KCNQ1: variants seen among roughly 807,000 people sequenced by gnomAD.
KCNQ1 encodes the protein potassium voltage-gated channel subfamily Q member 1, also known as potassium voltage-gated channel subfamily KQT member 1.
A neutral mutation model predicts 72.4 loss-of-function variants in KCNQ1; 49 were observed. The observed-to-expected ratio is 0.68, with a 90% confidence interval of 0.54 to 0.86. KCNQ1 has a LOEUF of 0.86. Among genes scored for constraint, KCNQ1 ranks in the 40% least tolerant of loss-of-function variants. KCNQ1 has a pLI of 0.00. For missense variants in KCNQ1, 790 were observed against 945.1 expected, an observed-to-expected ratio of 0.84 and a Z score of 2.15; for synonymous variants, 450 against 412.6, an observed-to-expected ratio of 1.09 and a Z score of -1.10.
rs1850999247 is a variant in KCNQ1, at chr11:2,711,243, C to G, written c.1514+49162C>G. Among the ~76,000 whole-genome samples, 1 of 152,190 alleles carries G rather than the reference C, an allele frequency of 6.6e-6. No homozygotes were observed. ...AGTGACTGGCAGCCATACTTCCTCC[C>G]CATGTACTGGGTTCTGCCCATCCTC... is the stretch of plus-strand genomic sequence containing the variant. On this transcript the variant is annotated intron_variant, in intron 11 of 15. Transcript: ENST00000155840. The surrounding 1 kb of genome is among the most constrained non-coding windows in gnomAD (Gnocchi z 5.4).
chr11:2,541,104 C>T lies in KCNQ1; in HGVS notation c.477+13086C>T, dbSNP rs573002588. Among the ~76,000 whole-genome samples the T allele has an allele frequency of 4.5e-4, 69 of 152,368 alleles. No individual in the cohort carries two copies. The highest frequency in any genetic ancestry group is 1.0e-3 in the African/African-American group (43 of 41,600). Reference sequence around the variant, plus strand: ...ACGTGCCTGCATGCACACGTGCACACGTGCACACCCAGCCCTGGACCTCAG... The same window carrying T: ...ACGTGCCTGCATGCACACGTGCACATGTGCACACCCAGCCCTGGACCTCAG... On this transcript the variant is annotated intron_variant, in intron 2 of 15. Transcript: ENST00000155840. The surrounding 1 kb of genome is among the most constrained non-coding windows in gnomAD (Gnocchi z 4.8).
intron 6 of KCNQ1, among the ~76,000 whole-genome samples, chr11:2,578,359 G>A (rs1376233465): frequency 6.6e-6 from 1 of 152,228 alleles, no homozygotes; most frequent in Non-Finnish European, 1.5e-5. Context: ...GCAAGGTGAC[G>A]GTGCCAGGTG....
intron 1 of KCNQ1, among the ~76,000 whole-genome samples, chr11:2,523,226 C>T (rs1847422360): frequency 6.7e-6 from 1 of 149,736 alleles, no homozygotes; most frequent in African/African-American, 2.5e-5. Flanking sequence ...TGGAGTCTTG[C>T]TCTGTCACCC....
intron 11 of KCNQ1, among the ~76,000 whole-genome samples, chr11:2,721,235 CT>C (rs1460317826): frequency 6.6e-6 from 1 of 152,198 alleles, no homozygotes; most frequent in Non-Finnish European, 1.5e-5. Flanking sequence ...TTTCTTCCCC[CT>C]GTTTGTCCTA....
intron 11 of KCNQ1, among the ~76,000 whole-genome samples, chr11:2,749,706 A>T (rs1846196183): frequency 6.6e-6 from 1 of 151,498 alleles, no homozygotes; most frequent in South Asian, 2.1e-4. Flanking sequence ...CCAGCTACTC[A>T]GGAGGCTGAG....
chr11:2,518,121 C>T (rs780536454), intron 1 of KCNQ1, among the ~76,000 whole-genome samples: 6 of 152,368 alleles, frequency 3.9e-5, no homozygotes, highest in South Asian at 2.1e-4. Flanking sequence ...GTGCATCCCA[C>T]GCCTGGCACT....
At position 2,808,478 on chromosome 11, in the gene KCNQ1, A is replaced by G. The variant is rs1401648319; in HGVS notation, c.1794+30441A>G. 6.6e-6 allele frequency among the ~76,000 whole-genome samples: 1 copy of G among 152,210 alleles called. No homozygotes were observed. The highest frequency in any genetic ancestry group is 2.4e-5 in the African/African-American group (1 of 41,454). On this transcript the variant is annotated intron_variant, in intron 15 of 15. Coordinates refer to ENST00000155840, the MANE Select transcript of KCNQ1 (RefSeq NM_000218.3). This position sits in a 1 kb window ranked among gnomAD's most constrained non-coding sequence, Gnocchi z 6.0. Reference sequence around the variant, plus strand: ...TTTGAAAATAGCATTCAGAGTTGCTATTAATAGGCTCTGATGCAGAACTGA... The same window carrying G: ...TTTGAAAATAGCATTCAGAGTTGCTGTTAATAGGCTCTGATGCAGAACTGA...
intron 11 of KCNQ1, chr11:2,688,148 C>T (rs747252873): frequency 8.0e-5 from 32 of 398,786 alleles, no homozygotes; most frequent in African/African-American, 2.7e-4. Flanking sequence ...AGAGACCCCA[C>T]GCAGCTCCCT....
chr11:2,774,794 A>AG (rs1220687099), intron 12 of KCNQ1, among the ~76,000 whole-genome samples: 1 of 152,166 alleles, frequency 6.6e-6, no homozygotes, highest in Non-Finnish European at 1.5e-5. Context: ...TCTCAGGAGT[A>AG]GGACCCCAAA....
intron 2 of KCNQ1, 48 bp from the exon 3 acceptor site, chr11:2,570,580 C>T (rs978930487): frequency 1.5e-5 from 24 of 1,607,068 alleles, no homozygotes; most frequent in Non-Finnish European, 1.7e-5. Flanking sequence ...TCTGAAGCCA[C>T]TCAAGGCCGA....
intron 15 of KCNQ1, among the ~76,000 whole-genome samples, chr11:2,805,484 T>C (rs1391120725): frequency 1.3e-5 from 2 of 152,248 alleles, no homozygotes; most frequent in African/African-American, 2.4e-5. Flanking sequence ...GCACTCATCC[T>C]GTAAGGTGGA....
At chr11:2,814,413 G>A (rs1400253130) in intron 15 of KCNQ1, among the ~76,000 whole-genome samples, 1 of 151,466 alleles carries the variant, frequency 6.6e-6, no homozygotes, top group African/African-American at 2.4e-5. Context: ...AAGGATGGTG[G>A]GTGGGTGGAT....
intron 10 of KCNQ1, chr11:2,648,147 G>A (rs1336154227): frequency 1.4e-5 from 5 of 358,674 alleles, no homozygotes; most frequent in Non-Finnish European, 2.5e-5. Flanking sequence ...AGAGGTTACA[G>A]TGAGCCAAGA....
At chr11:2,641,184 A>G in intron 10 of KCNQ1, 1 of 398,558 alleles carries the variant, frequency 2.5e-6, no homozygotes, top group Non-Finnish European at 4.4e-6. Context: ...ATAAATATCC[A>G]GTAGTGAGAT....
intron 15 of KCNQ1, among the ~76,000 whole-genome samples, chr11:2,825,381 G>A (rs951784829): frequency 6.6e-6 from 1 of 152,204 alleles, no homozygotes; most frequent in Non-Finnish European, 1.5e-5. Context: ...AGGGAAATGG[G>A]CGTTTCCTGT....
At chr11:2,662,151 T>G (rs935828447) in intron 11 of KCNQ1, 70 bp downstream of exon 11, 13 of 1,603,248 alleles carry the variant, frequency 8.1e-6, no homozygotes, top group Non-Finnish European at 1.1e-5. Context: ...GACTTGGTGC[T>G]GGGGAAGCCT....
At position 2,670,826 on chromosome 11, in the gene KCNQ1, T is replaced by C. The variant is rs2133868098; in HGVS notation, c.1514+8745T>C. On this transcript the variant is annotated intron_variant, in intron 11 of 15. Transcript: ENST00000155840. The surrounding 1 kb of genome is among the most constrained non-coding windows in gnomAD (Gnocchi z 4.9). ...GCCTCTATGTGCATCATAAACCTGG[T>C]GCCACCAGCCAAGGAGGTCAAAGGT... 1 of 398,552 alleles carries C rather than the reference T, an allele frequency of 2.5e-6. No individual in the cohort carries two copies. Among genetic ancestry groups the C allele is most frequent in the Non-Finnish European group, 4.4e-6 (1 of 226,058 alleles). 24.7% of individuals were successfully genotyped at this position (398,552 alleles called of 1,614,324 possible).
At chr11:2,773,893 G>C (rs1411437809) in intron 12 of KCNQ1, among the ~76,000 whole-genome samples, 2 of 149,264 alleles carry the variant, frequency 1.3e-5, no homozygotes, top group Non-Finnish European at 3.0e-5. Context: ...CTTACAGAAG[G>C]GGAGGATTGA....
intron 1 of KCNQ1, among the ~76,000 whole-genome samples, chr11:2,470,370 C>T (rs1158229096): frequency 6.6e-6 from 1 of 152,120 alleles, no homozygotes; most frequent in East Asian, 1.9e-4. Context: ...TGATTATATA[C>T]TTGCGAGACT....
Sources: gnomAD v4.1 joint callset for allele counts (sites outside exome capture counted in the v4.1 genomes callset) on GRCh38, gnomAD v4.1.1 for gene constraint, Gnocchi (gnomAD v3.1) non-coding constraint, MANE v1.5 for transcripts, NCBI Gene and HGNC (gene_info 2026-07-23, HGNC 2026-07-21) for gene names.